The following ARHGAP22 variants were observed in gnomAD, a reference collection of about 807,000 sequenced individuals.
ARHGAP22 encodes the protein rho GTPase-activating protein 22.
In ARHGAP22, 48 loss-of-function variants were observed where a neutral mutation model predicts 59.1. The ratio of observed to expected loss-of-function variants is 0.81; its 90% confidence interval spans 0.64 to 1.03. The LOEUF is 1.03. Ranked by LOEUF, ARHGAP22 falls within the 50% of genes least tolerant of loss-of-function variation. The probability of loss-of-function intolerance (pLI) is 0.00; values close to 1 mark genes in which losing one functional copy is unlikely to be tolerated. For synonymous variants in ARHGAP22, 445 were observed against 416.4 expected (o/e 1.07, Z -0.84); for missense variants, 1,015 against 958.7 (o/e 1.06, Z -0.78).
upstream of ARHGAP22, among the ~76,000 whole-genome samples, chr10:48,655,249 GT>G (rs2062764902): frequency 9.3e-4 from 10 of 10,802 alleles, no homozygotes; most frequent in African/African-American, 2.8e-3. Context: ...GGATGTGTGT[GT>G]GTGTGTGGGG....
chr10:48,563,641 A>G (rs934673394), intron 2 of ARHGAP22, among the ~76,000 whole-genome samples: 2 of 152,154 alleles, frequency 1.3e-5, no homozygotes, highest in African/African-American at 2.4e-5. Context: ...TCTACCTTAT[A>G]CTACAGTAGA....
intron 3 of ARHGAP22, among the ~76,000 whole-genome samples, chr10:48,523,718 T>C (rs1358160611): frequency 2.0e-5 from 3 of 151,776 alleles, no homozygotes; most frequent in Admixed American, 1.3e-4. Context: ...GGCCGTGGAC[T>C]TGGCGGACCT....
chr10:48,655,191 G>A (rs543730802), upstream of ARHGAP22, among the ~76,000 whole-genome samples: 2 of 143,510 alleles, frequency 1.4e-5, no homozygotes, highest in East Asian at 2.1e-4. Flanking sequence ...GTGTGTGCCC[G>A]GGGAAGGTCC....
chr10:48,573,547 G>C (rs539322969), intron 2 of ARHGAP22, among the ~76,000 whole-genome samples: 20 of 152,342 alleles, frequency 1.3e-4, no homozygotes, highest in African/African-American at 4.6e-4. Flanking sequence ...GTCTCAGGGA[G>C]CTCTGCATGT....
chr10:48,481,920 T>C (rs988482017), intron 3 of ARHGAP22, among the ~76,000 whole-genome samples: 10 of 152,250 alleles, frequency 6.6e-5, no homozygotes, highest in African/African-American at 2.4e-4. Context: ...TGGTGAAATA[T>C]CTGTTCAAAT....
At chr10:48,490,313 G>A (rs1271166448) in intron 3 of ARHGAP22, among the ~76,000 whole-genome samples, 1 of 152,082 alleles carries the variant, frequency 6.6e-6, no homozygotes, top group African/African-American at 2.4e-5. Context: ...TGACATGTTG[G>A]GTGAGATCAT....
chr10:48,541,582 GC>G (rs974916881), intron 3 of ARHGAP22, among the ~76,000 whole-genome samples: 4 of 152,190 alleles, frequency 2.6e-5, no homozygotes, highest in African/African-American at 9.7e-5. Context: ...GCATCCTGGA[GC>G]CCCCAAAGGC....
At chr10:48,535,415 A>G (rs2072009585) in intron 3 of ARHGAP22, among the ~76,000 whole-genome samples, 1 of 152,174 alleles carries the variant, frequency 6.6e-6, no homozygotes, top group South Asian at 2.1e-4. Context: ...CCTCCTCTGA[A>G]TCCTCTGCTG....
At chr10:48,620,685 C>T (rs972217772) in intron 1 of ARHGAP22, among the ~76,000 whole-genome samples, 6 of 152,152 alleles carry the variant, frequency 3.9e-5, no homozygotes, top group Non-Finnish European at 7.4e-5. Context: ...GATGAACTGG[C>T]CCATAGGCTG....
intron 4 of ARHGAP22, among the ~76,000 whole-genome samples, chr10:48,465,392 G>A (rs2047553814): frequency 6.6e-6 from 1 of 152,258 alleles, no homozygotes; most frequent in Non-Finnish European, 1.5e-5. Flanking sequence ...AGAGCAGTCC[G>A]CTGGCTCCAA....
intron 3 of ARHGAP22, among the ~76,000 whole-genome samples, chr10:48,512,371 C>A (rs1226561745): frequency 2.0e-5 from 3 of 152,228 alleles, no homozygotes; most frequent in Non-Finnish European, 2.9e-5. Context: ...TCAACTTCCT[C>A]ATCTCTAAAA....
intron 1 of ARHGAP22, among the ~76,000 whole-genome samples, chr10:48,637,778 G>C (rs1419875362): frequency 6.6e-6 from 1 of 152,144 alleles, no homozygotes; most frequent in African/African-American, 2.4e-5. Flanking sequence ...GGGTCAGTAA[G>C]AAAAGGCACA....
chr10:48,615,999 C>A (rs2061066884), intron 1 of ARHGAP22, among the ~76,000 whole-genome samples: 1 of 151,514 alleles, frequency 6.6e-6, no homozygotes, highest in Non-Finnish European at 1.5e-5. Flanking sequence ...GCCTAAGATG[C>A]CTGTGGGATA....
rs568500123 is a variant in ARHGAP22 at position 48,567,700 on chromosome 10, G to A, written c.235-12150C>T. ...CAGGAGTGACAGCATCCACTTCCAG[G>A]CCTGGTCCTTTAAAAACTGCCAGTG... On this transcript the variant is annotated intron_variant, in intron 2 of 9. Coordinates refer to ENST00000249601, the MANE Select transcript of ARHGAP22 (RefSeq NM_021226.4). 3.9e-5 allele frequency among the ~76,000 whole-genome samples: 6 copies of A among 152,124 alleles called. No homozygotes were observed. The South Asian group carries it at 1.0e-3, about 26-fold the overall frequency.
At chr10:48,652,328 T>C (rs1483819307) in exon 1 of ARHGAP22, 2 of 1,506,284 alleles carry the variant, frequency 1.3e-6, no homozygotes, top group Non-Finnish European at 1.8e-6. Flanking sequence ...GTATCCTTTT[T>C]ATAAAGAACC....
At chr10:48,510,341 C>T (rs2052627393) in intron 3 of ARHGAP22, among the ~76,000 whole-genome samples, 2 of 152,220 alleles carry the variant, frequency 1.3e-5, no homozygotes, top group African/African-American at 2.4e-5. Flanking sequence ...CTAGGTGGGA[C>T]AACAGAGAGC....
chr10:48,541,342 T>G (rs2055908914), intron 3 of ARHGAP22, among the ~76,000 whole-genome samples: 1 of 152,220 alleles, frequency 6.6e-6, no homozygotes, highest in South Asian at 2.1e-4. Flanking sequence ...TATCTACATC[T>G]TTGTTCTGCG....
At chr10:48,448,283 T>G (rs1483998258) in intron 9 of ARHGAP22, among the ~76,000 whole-genome samples, 3 of 152,140 alleles carry the variant, frequency 2.0e-5, no homozygotes, top group Non-Finnish European at 4.4e-5. Context: ...CCCTCCAACC[T>G]TCTACCCTGA....
At chr10:48,570,888 A>G (rs1243661275) in intron 2 of ARHGAP22, among the ~76,000 whole-genome samples, 1 of 152,184 alleles carries the variant, frequency 6.6e-6, no homozygotes, top group Non-Finnish European at 1.5e-5. Flanking sequence ...ACGGCCATTG[A>G]GGACTGCCAG....
Sources: allele counts gnomAD v4.1 joint callset (sites outside exome capture counted in the v4.1 genomes callset), GRCh38; gene constraint gnomAD v4.1.1; transcripts MANE v1.5; gene names NCBI Gene and HGNC (gene_info 2026-07-23, HGNC 2026-07-21).